PRKCG: variants seen among roughly 807,000 people sequenced by gnomAD.
PRKCG encodes the protein protein kinase C gamma, also known as protein kinase C gamma type.
Under a neutral mutation model 82.0 loss-of-function variants are expected in PRKCG, and 28 were observed. That is an observed-to-expected ratio of 0.34 (90% CI 0.25 to 0.47). The LOEUF is 0.47. Among genes scored for constraint, PRKCG ranks in the 20% least tolerant of loss-of-function variants. PRKCG has a pLI of 1.00. For synonymous variants in PRKCG, 383 were observed against 376.6 expected (o/e 1.02, Z -0.20); for missense variants, 640 against 952.7 (o/e 0.67, Z 4.32).
intron 9 of PRKCG, among the ~76,000 whole-genome samples, chr19:53,896,922 A>G (rs564698227): frequency 5.3e-4 from 80 of 152,306 alleles, no homozygotes; most frequent in Non-Finnish European, 9.3e-4. Context: ...ACCCAGTTTA[A>G]AAAGTCAGGC....
chr19:53,894,546 G>A (rs1451256444), intron 9 of PRKCG, among the ~76,000 whole-genome samples: 1 of 150,886 alleles, frequency 6.6e-6, no homozygotes, highest in East Asian at 1.9e-4. Context: ...TGCAACCTCT[G>A]CCTCCCAGAT....
At chr19:53,890,086 T>C in intron 5 of PRKCG, 69 bp downstream of exon 5, 1 of 1,493,302 alleles carries the variant, frequency 6.7e-7, no homozygotes, top group Non-Finnish European at 9.0e-7. Flanking sequence ...CCCAAGGCAC[T>C]TGTGCTGGCC....
Position 53,882,725 on chromosome 19 carries a change from C to A in PRKCG, c.170+61C>A. 6.3e-7 allele frequency: 1 copy of A among 1,590,156 alleles called. No homozygotes were observed. Among genetic ancestry groups the A allele is most frequent in the Non-Finnish European group, 8.6e-7 (1 of 1,167,336 alleles). On this transcript the variant is annotated intron_variant, in intron 1 of 17. Coordinates refer to ENST00000263431, the MANE Select transcript of PRKCG (RefSeq NM_002739.5). The surrounding 1 kb of genome is among the most constrained non-coding windows in gnomAD (Gnocchi z 6.1). Reference sequence around the variant, plus strand: ...GGACTAGGGGTGCAGACTCCTATCACGCCGACCCCTGTGGAAGGAAGAAGG... The same window carrying A: ...GGACTAGGGGTGCAGACTCCTATCAAGCCGACCCCTGTGGAAGGAAGAAGG...
rs1037739543 is a variant in PRKCG, at chr19:53,889,982, T to G, written c.494T>G (p.Ile165Ser). 1.3e-6 allele frequency: 2 copies of G among 1,572,190 alleles called. No individual in the cohort carries two copies. Among genetic ancestry groups the G allele is most frequent in the African/African-American group, 2.7e-5 (2 of 73,824 alleles). ...CGCCGCGGGCGCCTGCAGCTGGAGA[T>G]CCGGGCTCCCACAGCAGATGAGATC... is the stretch of plus-strand genomic sequence containing the variant. ...TERRGRLQLEIRAPTADEIHV... is the reference protein window; with the variant it reads ...TERRGRLQLESRAPTADEIHV... The change falls in exon 5 of 18, where the codon ATC becomes AGC. Residue 165 changes from isoleucine (I) to serine (S), a missense_variant. Transcript: ENST00000263431. This position sits in a 1 kb window ranked among gnomAD's most constrained non-coding sequence, Gnocchi z 4.4.
At chr19:53,895,439 G>C in intron 9 of PRKCG, among the ~76,000 whole-genome samples, 1 of 137,300 alleles carries the variant, frequency 7.3e-6, no homozygotes, top group African/African-American at 2.8e-5. Context: ...AGTGAGCCCA[G>C]ATCGCTCCAC....
In PRKCG at chr19:53,886,229, C is replaced by T. The variant is rs997228422; in HGVS notation, c.285+1986C>T. Among the ~76,000 whole-genome samples, 6 of 151,646 alleles carry T rather than the reference C, an allele frequency of 4.0e-5. No individual in the cohort carries two copies. In the South Asian group the frequency reaches 6.3e-4, roughly 16 times the overall value. On this transcript the variant is annotated intron_variant, in intron 3 of 17. Coordinates refer to ENST00000263431, the MANE Select transcript of PRKCG (RefSeq NM_002739.5). ...AAGCGATTCTCATGCCTCAGCCTCCCGAGTAGCTGGGACTAGAACAGGCAT... is the reference window on the plus strand; with the variant it reads ...AAGCGATTCTCATGCCTCAGCCTCCTGAGTAGCTGGGACTAGAACAGGCAT...
chr19:53,906,731 G>A lies in PRKCG; in HGVS notation c.1930G>A (p.Asp644Asn). 1 of 1,613,158 alleles carries A rather than the reference G, an allele frequency of 6.2e-7. No homozygotes were observed. Among genetic ancestry groups the A allele is most frequent in the Non-Finnish European group, 8.5e-7 (1 of 1,180,000 alleles). Residue 644 changes from aspartate (D) to asparagine (N), a missense_variant, in exon 18 of 18, where the codon GAC becomes AAC. By Grantham distance (23) the Asp-to-Asn change is conservative. Transcript: ENST00000263431. ...GTGTGGCCGCAGCGGCGAGAACTTT[G>A]ACAAGTTCTTCACGCGGGCGGCGCC... ...RPCGRSGENF[D>N]KFFTRAAPAL...
In PRKCG at chr19:53,903,999, T is replaced by A. The variant is rs536027480; in HGVS notation, c.1657-636T>A. ...TAATTTGGAATATCTGCAACTCTCATGTGATGAGAAAATACCTGTGATTAC... is the reference window on the plus strand; with the variant it reads ...TAATTTGGAATATCTGCAACTCTCAAGTGATGAGAAAATACCTGTGATTAC... On this transcript the variant is annotated intron_variant, in intron 15 of 17. Transcript: ENST00000263431. Among the ~76,000 whole-genome samples, 5 of 152,264 alleles carry A rather than the reference T, an allele frequency of 3.3e-5. No homozygotes were observed. In the South Asian group the frequency reaches 1.0e-3, roughly 32 times the overall value.
intron 17 of PRKCG, 54 bp downstream of exon 17, chr19:53,906,511 C>A: frequency 1.3e-6 from 2 of 1,569,626 alleles, no homozygotes; most frequent in Non-Finnish European, 8.6e-7. Flanking sequence ...TGGGGTTCCC[C>A]TGGGCCTCAA....
In PRKCG at chr19:53,882,705, A is replaced by C; in HGVS notation, c.170+41A>C. On this transcript the variant is annotated intron_variant, in intron 1 of 17. Coordinates refer to ENST00000263431, the MANE Select transcript of PRKCG (RefSeq NM_002739.5). The surrounding 1 kb of genome is among the most constrained non-coding windows in gnomAD (Gnocchi z 6.1). Reference sequence around the variant, plus strand: ...TGGGGGACTGGGGGACGAGGGGACTAGGGGTGCAGACTCCTATCACGCCGA... The same window carrying C: ...TGGGGGACTGGGGGACGAGGGGACTCGGGGTGCAGACTCCTATCACGCCGA... 6.3e-7 allele frequency: 1 copy of C among 1,599,902 alleles called. No homozygotes were observed. Among genetic ancestry groups the C allele is most frequent in the Non-Finnish European group, 8.5e-7 (1 of 1,171,680 alleles).
Position 53,889,492 on chromosome 19 carries a change from C to T in PRKCG, c.286-146C>T. On this transcript the variant is annotated intron_variant, in intron 3 of 17. Coordinates refer to ENST00000263431, the MANE Select transcript of PRKCG (RefSeq NM_002739.5). This position sits in a 1 kb window ranked among gnomAD's most constrained non-coding sequence, Gnocchi z 4.4. ...AACAGTCCCTGGCACACAGCAGGTG[C>T]TCAATGATTATTGGTACATAGAGTG... is the stretch of plus-strand genomic sequence containing the variant. The T allele has an allele frequency of 4.5e-6, 3 of 665,944 alleles. No homozygotes were observed. The highest frequency in any genetic ancestry group is 2.7e-5 in the East Asian group (1 of 36,590). 41.3% of individuals were successfully genotyped at this position (665,944 alleles called of 1,614,324 possible).
chr19:53,883,522 C>G lies in PRKCG; in HGVS notation c.202+328C>G, dbSNP rs1381325797. Among the ~76,000 whole-genome samples the G allele has an allele frequency of 6.7e-6, 1 of 149,900 alleles. No individual in the cohort carries two copies. Among genetic ancestry groups the G allele is most frequent in the South Asian group, 2.1e-4 (1 of 4,780 alleles). On this transcript the variant is annotated intron_variant, in intron 2 of 17. Coordinates refer to ENST00000263431, the MANE Select transcript of PRKCG (RefSeq NM_002739.5). This position sits in a 1 kb window ranked among gnomAD's most constrained non-coding sequence, Gnocchi z 5.4. ...GGGGCTGGAGATGCAAAGTCAGAGC[C>G]CCCCCCCACCCCAGGCTGCCGTCGC... is the stretch of plus-strand genomic sequence containing the variant.
At position 53,882,267 on chromosome 19, in the gene PRKCG, C is replaced by G. The variant is rs2068597267; in HGVS notation, c.-228C>G. The G allele has an allele frequency of 1.6e-6, 1 of 616,028 alleles. No homozygotes were observed. Among genetic ancestry groups the G allele is most frequent in the Non-Finnish European group, 2.8e-6 (1 of 352,698 alleles). The allele number at this position is 616,028 out of a possible 1,614,324, so 38.2% of individuals were successfully genotyped here. A position where few individuals can be genotyped will look rare whatever the true frequency, so the allele number is the denominator to read the frequency against. ...GTGCCTCCGGCTGCCGGCGCCCCTG[C>G]CTTTGGCTCTTCCTCCCCACTCGCC... On this transcript the variant is annotated 5_prime_UTR_variant, in exon 1 of 18. Coordinates refer to ENST00000263431, the MANE Select transcript of PRKCG (RefSeq NM_002739.5). The surrounding 1 kb of genome is among the most constrained non-coding windows in gnomAD (Gnocchi z 6.1).
Position 53,884,334 on chromosome 19 carries a change from T to A in PRKCG, c.285+91T>A. 1 of 1,210,356 alleles carries A rather than the reference T, an allele frequency of 8.3e-7. No homozygotes were observed. Among genetic ancestry groups the A allele is most frequent in the Non-Finnish European group, 1.2e-6 (1 of 825,384 alleles). 75.0% of individuals were successfully genotyped at this position (1,210,356 alleles called of 1,614,324 possible). A position where few individuals can be genotyped will look rare whatever the true frequency, so the allele number is the denominator to read the frequency against. The stretch of plus-strand genomic sequence containing the variant: ...GTCCCAATTTCTCCTGCTATTTTTA[T>A]GGCTGGGAGGGGAGGGGGGCTGGAG... On this transcript the variant is annotated intron_variant, in intron 3 of 17. Transcript: ENST00000263431. The surrounding 1 kb of genome is among the most constrained non-coding windows in gnomAD (Gnocchi z 4.6).
At chr19:53,890,304 TG>T (rs1455978254) in intron 5 of PRKCG, among the ~76,000 whole-genome samples, 1 of 152,148 alleles carries the variant, frequency 6.6e-6, no homozygotes, top group African/African-American at 2.4e-5. Flanking sequence ...TTGCTCAAGC[TG>T]GAGTGCAATG....
At chr19:53,881,633 TAGAA>T (rs1476158999), upstream of PRKCG, among the ~76,000 whole-genome samples, 5 of 140,744 alleles carry the variant, frequency 3.6e-5, no homozygotes, top group African/African-American at 1.3e-4. Context: ...AATAGAGAAA[TAGAA>T]AGAAATAGAA....
Position 53,889,759 on chromosome 19 carries a change from C to G in PRKCG, c.397+10C>G, listed in dbSNP as rs759781185. On this transcript the variant is annotated intron_variant, in intron 4 of 17. Coordinates refer to ENST00000263431, the MANE Select transcript of PRKCG (RefSeq NM_002739.5). The surrounding 1 kb of genome is among the most constrained non-coding windows in gnomAD (Gnocchi z 4.4). The stretch of plus-strand genomic sequence containing the variant: ...GGCATGAAATGCTCCTGTGAGTGAC[C>G]TGGGCCTTGCCAGGGCCCTTCCAAA... 5.4e-5 allele frequency: 87 copies of G among 1,612,610 alleles called. No individual in the cohort carries two copies. Among genetic ancestry groups the G allele is most frequent in the Non-Finnish European group, 7.1e-5 (84 of 1,179,436 alleles).
chr19:53,894,491 C>T (rs1374206599), intron 9 of PRKCG, among the ~76,000 whole-genome samples: 2 of 150,348 alleles, frequency 1.3e-5, no homozygotes, highest in African/African-American at 2.5e-5. Context: ...ACAGAATCTC[C>T]TTTTGTCACC....
In PRKCG at chr19:53,883,032, G is replaced by C. The variant is rs981240364; in HGVS notation, c.171-131G>C. On this transcript the variant is annotated intron_variant, in intron 1 of 17. Coordinates refer to ENST00000263431, the MANE Select transcript of PRKCG (RefSeq NM_002739.5). The surrounding 1 kb of genome is among the most constrained non-coding windows in gnomAD (Gnocchi z 5.4). ...CAAAATTTCTGGGTTCTAGAAAGAG[G>C]AGGTGGCCGGGGCTTGGACACCTGG... 1.1e-5 allele frequency: 13 copies of C among 1,189,866 alleles called. No individual in the cohort carries two copies. The highest frequency in any genetic ancestry group is 1.6e-5 in the Non-Finnish European group (13 of 801,040). 73.7% of individuals were successfully genotyped at this position (1,189,866 alleles called of 1,614,324 possible). A position where few individuals can be genotyped will look rare whatever the true frequency, so the allele number is the denominator to read the frequency against.
Sources: gnomAD v4.1 joint callset for allele counts (sites outside exome capture counted in the v4.1 genomes callset) on GRCh38, gnomAD v4.1.1 for gene constraint, Gnocchi (gnomAD v3.1) non-coding constraint, MANE v1.5 for transcripts, NCBI Gene and HGNC (gene_info 2026-07-23, HGNC 2026-07-21) for gene names.